SRGAP1: variants seen among roughly 807,000 people sequenced by gnomAD.
SRGAP1 encodes SLIT-ROBO Rho GTPase-activating protein 1.
In SRGAP1, 43 loss-of-function variants were observed where a neutral mutation model predicts 121.9. That is an observed-to-expected ratio of 0.35 (90% confidence interval 0.28 to 0.46). The LOEUF is 0.46. SRGAP1 is among the 20% of genes least tolerant of loss of function. SRGAP1 has a pLI of 1.00. For synonymous variants in SRGAP1, 447 were observed against 485.4 expected, an observed-to-expected ratio of 0.92 and a Z score of 1.04; for missense variants, 1,102 against 1,350.9, an observed-to-expected ratio of 0.82 and a Z score of 2.89.
rs1390393002 is a variant in SRGAP1 at position 64,097,394 on chromosome 12, C to A, written c.1813+19C>A. On this transcript the variant is annotated intron_variant, in intron 15 of 21. Transcript: ENST00000355086. ...TGTATCAGTAAGTGGACATTTTTTTCATCTTTTCCCACAAGAATTATTTCA... is the reference window on the plus strand; with the variant it reads ...TGTATCAGTAAGTGGACATTTTTTTAATCTTTTCCCACAAGAATTATTTCA... 1.2e-6 allele frequency: 2 copies of A among 1,604,158 alleles called. No homozygotes were observed. Among genetic ancestry groups the A allele is most frequent in the Admixed American group, 1.7e-5 (1 of 57,276 alleles).
chr12:63,964,918 T>G (rs2032745320), intron 1 of SRGAP1, among the ~76,000 whole-genome samples: 2 of 152,348 alleles, frequency 1.3e-5, no homozygotes, highest in South Asian at 4.1e-4. Flanking sequence ...TCTCGCCTAA[T>G]TGTTTTCAGA....
At chr12:64,006,204 T>C (rs2034077189) in intron 3 of SRGAP1, among the ~76,000 whole-genome samples, 1 of 152,184 alleles carries the variant, frequency 6.6e-6, no homozygotes. Context: ...TACATTCTTC[T>C]ATACTGGCAG....
intron 21 of SRGAP1, among the ~76,000 whole-genome samples, chr12:64,129,614 A>G (rs1490410723): frequency 6.6e-6 from 1 of 152,206 alleles, no homozygotes; most frequent in African/African-American, 2.4e-5. Flanking sequence ...GAGATCGTAC[A>G]TAATCTTCAA....
intron 11 of SRGAP1, among the ~76,000 whole-genome samples, chr12:64,090,803 A>G (rs1333021966): frequency 1.3e-5 from 2 of 152,144 alleles, no homozygotes; most frequent in African/African-American, 4.8e-5. Context: ...TCATTCCACT[A>G]CACTCCAGCC....
chr12:63,865,473 C>T lies in SRGAP1; in HGVS notation c.67+20590C>T, dbSNP rs917985815. On this transcript the variant is annotated intron_variant, in intron 1 of 21. Coordinates refer to ENST00000355086, the MANE Select transcript of SRGAP1 (RefSeq NM_020762.4). Reference sequence around the variant, plus strand: ...GATAGAGCGAGATTCAGTCCCCACCCGCCGCTGCCAAAAAAAAAATCTGTG... The same window carrying T: ...GATAGAGCGAGATTCAGTCCCCACCTGCCGCTGCCAAAAAAAAAATCTGTG... Among the ~76,000 whole-genome samples the T allele has an allele frequency of 5.9e-5, 9 of 151,984 alleles. No individual in the cohort carries two copies. In the East Asian group the frequency reaches 9.7e-4, roughly 16 times the overall value.
rs552447595 is a variant in SRGAP1 at position 63,997,539 on chromosome 12, A to G, written c.426+7467A>G. On this transcript the variant is annotated intron_variant, in intron 3 of 21. Transcript: ENST00000355086. ...TAGAAGGGTAAATTGTTTTAAATGG[A>G]TATCTCTAAGTTACTTTTATTTTCT... 2.6e-5 allele frequency among the ~76,000 whole-genome samples: 4 copies of G among 152,214 alleles called. No individual in the cohort carries two copies. The East Asian group carries it at 7.7e-4, about 29-fold the overall frequency.
chr12:64,069,976 A>G (rs576466591), intron 8 of SRGAP1, among the ~76,000 whole-genome samples: 21 of 152,176 alleles, frequency 1.4e-4, no homozygotes, highest in Admixed American at 4.6e-4. Context: ...GGCTCAAGCA[A>G]TCTTCCCACC....
intron 1 of SRGAP1, among the ~76,000 whole-genome samples, chr12:63,913,454 C>CATATATATATATATATATATATATATAT (rs570506869): frequency 4.8e-5 from 6 of 124,102 alleles, no homozygotes; most frequent in Non-Finnish European, 6.8e-5. Flanking sequence ...ACTGTGTCCA[C>CATATATATATATATATATATATATATAT]ATATATATAT....
chr12:63,878,427 T>C (rs1900093653), intron 1 of SRGAP1, among the ~76,000 whole-genome samples: 1 of 152,238 alleles, frequency 6.6e-6, no homozygotes, highest in African/African-American at 2.4e-5. Flanking sequence ...ATTGAGAGTA[T>C]GTTCGCATCT....
intron 3 of SRGAP1, among the ~76,000 whole-genome samples, chr12:64,005,684 T>G (rs1485701018): frequency 1.3e-5 from 2 of 152,138 alleles, no homozygotes; most frequent in African/African-American, 4.8e-5. Flanking sequence ...TTTAACTCTT[T>G]AGCTCTAAAG....
chr12:63,957,727 T>G (rs1592981880), intron 1 of SRGAP1, among the ~76,000 whole-genome samples: 1 of 152,202 alleles, frequency 6.6e-6, no homozygotes. Flanking sequence ...AGGGCTGCAG[T>G]ACCCGTCTGC....
chr12:63,955,168 A>G (rs1327316532), intron 1 of SRGAP1, among the ~76,000 whole-genome samples: 1 of 151,990 alleles, frequency 6.6e-6, no homozygotes. Context: ...AAATACAAAG[A>G]ATTAGCCAGG....
intron 1 of SRGAP1, among the ~76,000 whole-genome samples, chr12:63,903,338 A>G (rs975177018): frequency 3.3e-5 from 5 of 151,038 alleles, no homozygotes; most frequent in African/African-American, 1.2e-4. Flanking sequence ...TCAGCCTCCT[A>G]AGTAGCTGGG....
intron 4 of SRGAP1, among the ~76,000 whole-genome samples, chr12:64,026,123 TA>T (rs954914479): frequency 3.9e-5 from 6 of 152,108 alleles, no homozygotes; most frequent in African/African-American, 1.2e-4. Flanking sequence ...CCAATGTAAT[TA>T]TTTAGCTTAG....
chr12:64,089,694 T>C (rs369496055), intron 11 of SRGAP1, among the ~76,000 whole-genome samples: 1 of 152,302 alleles, frequency 6.6e-6, no homozygotes, highest in African/African-American at 2.4e-5. Flanking sequence ...AGATGACATG[T>C]TGCCTGGTAG....
chr12:63,935,670 CTT>C (rs139176275), intron 1 of SRGAP1, among the ~76,000 whole-genome samples: 4,631 of 152,208 alleles, frequency 0.03, 111 homozygotes, highest in Middle Eastern at 0.069. Context: ...GTTTAATAAG[CTT>C]TCTTATAAGT....
At chr12:64,079,175 C>T in intron 9 of SRGAP1, 59 bp downstream of exon 9, 2 of 1,586,082 alleles carry the variant, frequency 1.3e-6, no homozygotes, top group Non-Finnish European at 1.7e-6. Context: ...TCCCAAGTGC[C>T]ACTTCTATAG....
intron 6 of SRGAP1, among the ~76,000 whole-genome samples, chr12:64,050,271 G>A (rs1006511619): frequency 6.6e-6 from 1 of 152,086 alleles, no homozygotes; most frequent in Non-Finnish European, 1.5e-5. Flanking sequence ...TAGTTTTTTA[G>A]TGGCATCATT....
chr12:64,114,257 C>G (rs2036479920), intron 17 of SRGAP1, among the ~76,000 whole-genome samples: 1 of 150,706 alleles, frequency 6.6e-6, no homozygotes, highest in African/African-American at 2.4e-5. Context: ...GAATGCAACT[C>G]AACCCTGCTG....
Sources: gnomAD v4.1 joint callset for allele counts (sites outside exome capture counted in the v4.1 genomes callset) on GRCh38, gnomAD v4.1.1 for gene constraint, MANE v1.5 for transcripts, NCBI Gene and HGNC (gene_info 2026-07-23, HGNC 2026-07-21) for gene names.